The following GARRE1 variants were observed in gnomAD, a reference collection of about 807,000 sequenced individuals.
GARRE1 encodes the protein granule associated Rac and RHOG effector protein 1.
In GARRE1, 49 loss-of-function variants were observed where a neutral mutation model predicts 103.2. The observed-to-expected ratio is 0.47, with a 90% CI of 0.38 to 0.60. The LOEUF is 0.60. Ranked by LOEUF, GARRE1 falls within the 20% of genes least tolerant of loss-of-function variation. The pLI, the probability that GARRE1 is intolerant of heterozygous loss-of-function variation, is 0.00. For missense variants in GARRE1, 1,199 were observed against 1,370.5 expected, an observed-to-expected ratio of 0.87 and a Z score of 1.98; for synonymous variants, 505 against 532.8, an observed-to-expected ratio of 0.95 and a Z score of 0.72.
At chr19:34,336,011 G>A (rs2145274807) in intron 8 of GARRE1, among the ~76,000 whole-genome samples, 1 of 151,400 alleles carries the variant, frequency 6.6e-6, no homozygotes, top group South Asian at 2.1e-4. Context: ...TTTTGGTAGA[G>A]ACAAGATCTC....
intron 3 of GARRE1, among the ~76,000 whole-genome samples, chr19:34,323,834 AC>A (rs2074100203): frequency 6.6e-6 from 1 of 151,828 alleles, no homozygotes. Flanking sequence ...CTTCACCTTG[AC>A]CTTTTTTGCC....
intron 1 of GARRE1, among the ~76,000 whole-genome samples, chr19:34,282,328 T>C (rs890347748): frequency 1.3e-5 from 2 of 152,120 alleles, no homozygotes; most frequent in African/African-American, 4.8e-5. Flanking sequence ...ATTTTTGTAT[T>C]TTTAGTAGAG....
intron 6 of GARRE1, among the ~76,000 whole-genome samples, chr19:34,328,527 T>TA (rs71165650): frequency 3.2e-3 from 464 of 143,230 alleles, no homozygotes; most frequent in African/African-American, 0.011. Context: ...AACTCTGTCT[T>TA]AAAAAAAAAA....
Position 34,353,098 on chromosome 19 carries a change from A to C in GARRE1, c.*143A>C. ...ATCCCAGGGAGGGTTCCTTGGGGAC[A>C]AGGGTGGTTGGCAGCTCCAAGCCTT... is the stretch of plus-strand genomic sequence containing the variant. On this transcript the variant is annotated 3_prime_UTR_variant, in exon 14 of 14. Transcript: ENST00000299505. 1.3e-6 allele frequency: 1 copy of C among 777,580 alleles called. No individual in the cohort carries two copies. The highest frequency in any genetic ancestry group is 2.0e-6 in the Non-Finnish European group (1 of 501,170). The allele number at this position is 777,580 out of a possible 1,614,324, so 48.2% of individuals were successfully genotyped here.
intron 1 of GARRE1, among the ~76,000 whole-genome samples, chr19:34,295,011 C>G (rs2073939653): frequency 1.3e-5 from 2 of 152,216 alleles, no homozygotes; most frequent in Non-Finnish European, 2.9e-5. Flanking sequence ...TGTGGCAACT[C>G]TGAAAATCAG....
chr19:34,347,955 G>A lies in GARRE1; in HGVS notation c.2600G>A (p.Gly867Asp), dbSNP rs994137488. 2.5e-6 allele frequency: 4 copies of A among 1,589,460 alleles called. No individual in the cohort carries two copies. Among genetic ancestry groups the A allele is most frequent in the Non-Finnish European group, 3.4e-6 (4 of 1,167,180 alleles). ...AMQQKRQAQHGRRPGNPRGNW... is the reference protein window; with the variant it reads ...AMQQKRQAQHDRRPGNPRGNW... Reference sequence around the variant, plus strand: ...CAGCAGAAGCGGCAGGCCCAGCACGGTCGCCGGCCAGGCAACCCCCGGGGC... The same window carrying A: ...CAGCAGAAGCGGCAGGCCCAGCACGATCGCCGGCCAGGCAACCCCCGGGGC... Residue 867 changes from glycine to aspartate, a missense_variant, in exon 11 of 14, where the codon GGT becomes GAT. Coordinates refer to ENST00000299505, the MANE Select transcript of GARRE1 (RefSeq NM_014686.5).
intron 1 of GARRE1, among the ~76,000 whole-genome samples, chr19:34,270,969 A>G (rs2073783625): frequency 6.6e-6 from 1 of 152,186 alleles, no homozygotes; most frequent in African/African-American, 2.4e-5. Flanking sequence ...GTGACAACCA[A>G]AACATCTCTA....
intron 2 of GARRE1, among the ~76,000 whole-genome samples, chr19:34,319,638 G>C (rs1302595819): frequency 2.0e-5 from 3 of 152,068 alleles, no homozygotes; most frequent in Admixed American, 6.6e-5. Context: ...AGACAGGATT[G>C]GGGGTTACTT....
chr19:34,326,140 G>A (rs1050433523), intron 3 of GARRE1, among the ~76,000 whole-genome samples: 1 of 152,242 alleles, frequency 6.6e-6, no homozygotes, highest in Non-Finnish European at 1.5e-5. Context: ...TTGACTGAAA[G>A]ATTCTTAGAA....
At chr19:34,268,198 G>A (rs2073764345) in intron 1 of GARRE1, among the ~76,000 whole-genome samples, 1 of 152,024 alleles carries the variant, frequency 6.6e-6, no homozygotes. Context: ...GGGCACATTT[G>A]ATGCAGAAAT....
In GARRE1 at chr19:34,355,003, T is replaced by C. The variant is rs909041172; in HGVS notation, c.*2048T>C. On this transcript the variant is annotated 3_prime_UTR_variant, in exon 14 of 14. Transcript: ENST00000299505. ...TTAGCTGTCACGGTGTGCACACTAATCTCTGTTAAAGTTGTCTATGGCTGT... is the reference window on the plus strand; with the variant it reads ...TTAGCTGTCACGGTGTGCACACTAACCTCTGTTAAAGTTGTCTATGGCTGT... The C allele has an allele frequency of 7.9e-5, 12 of 152,688 alleles. No homozygotes were observed. The highest frequency in any genetic ancestry group is 7.2e-4 in the Admixed American group (11 of 15,286). 9.5% of individuals were successfully genotyped at this position (152,688 alleles called of 1,614,324 possible). A position where few individuals can be genotyped will look rare whatever the true frequency, so the allele number is the denominator to read the frequency against.
intron 1 of GARRE1, among the ~76,000 whole-genome samples, chr19:34,268,606 C>T (rs1275181812): frequency 6.6e-6 from 1 of 152,044 alleles, no homozygotes; most frequent in Non-Finnish European, 1.5e-5. Context: ...TAGGTCTGTC[C>T]TCATCAGGAC....
chr19:34,323,023 C>CT lies in GARRE1; in HGVS notation c.705+2934dup, dbSNP rs71165649. On this transcript the variant is annotated intron_variant, in intron 3 of 13. Coordinates refer to ENST00000299505, the MANE Select transcript of GARRE1 (RefSeq NM_014686.5). ...ATTAACTTGGCAAAGTATTTCTTTT[C>CT]TTTTTTTTTTTTTTTTTTTTTTTTT... Among the ~76,000 whole-genome samples the CT allele has an allele frequency of 4.0e-3, 268 of 66,692 alleles. 29 individuals are homozygous for CT. The highest frequency in any genetic ancestry group is 5.0e-3 in the African/African-American group (88 of 17,594). The allele number at this position is 66,692 out of a possible 152,430, so 43.8% of individuals were successfully genotyped here.
chr19:34,328,454 A>G (rs144660753), intron 6 of GARRE1, among the ~76,000 whole-genome samples: 13 of 149,906 alleles, frequency 8.7e-5, no homozygotes, highest in East Asian at 2.0e-4. Flanking sequence ...GCTTGAACCC[A>G]TGAGGTGGAG....
chr19:34,322,377 G>A (rs1290075927), intron 3 of GARRE1, among the ~76,000 whole-genome samples: 1 of 151,934 alleles, frequency 6.6e-6, no homozygotes, highest in African/African-American at 2.4e-5. Context: ...TCACCATGTT[G>A]GCCTGACTGG....
intron 1 of GARRE1, among the ~76,000 whole-genome samples, chr19:34,259,735 T>G (rs2073703475): frequency 6.6e-6 from 1 of 152,172 alleles, no homozygotes; most frequent in South Asian, 2.1e-4. Flanking sequence ...CAGAATGATA[T>G]GGTTAGGCTG....
intron 1 of GARRE1, among the ~76,000 whole-genome samples, chr19:34,283,334 C>T (rs1414322205): frequency 6.6e-6 from 1 of 152,098 alleles, no homozygotes. Flanking sequence ...TCCTGCCCTG[C>T]GATTGGTAGA....
chr19:34,268,654 A>C (rs2073767181), intron 1 of GARRE1, among the ~76,000 whole-genome samples: 1 of 151,772 alleles, frequency 6.6e-6, no homozygotes, highest in Non-Finnish European at 1.5e-5. Flanking sequence ...TTAAATGTTC[A>C]CTATTTTTCT....
intron 2 of GARRE1, among the ~76,000 whole-genome samples, chr19:34,303,943 C>G (rs899619868): frequency 1.3e-5 from 2 of 152,030 alleles, no homozygotes; most frequent in Non-Finnish European, 2.9e-5. Flanking sequence ...TTTTTACAAT[C>G]CTTTAAAAAT....
Sources: gnomAD v4.1 joint callset for allele counts (sites outside exome capture counted in the v4.1 genomes callset) on GRCh38, gnomAD v4.1.1 for gene constraint, MANE v1.5 for transcripts, NCBI Gene and HGNC (gene_info 2026-07-23, HGNC 2026-07-21) for gene names.